DMAC1: variants seen among roughly 807,000 people sequenced by gnomAD.
The protein encoded by DMAC1 is distal membrane-arm assembly complex protein 1.
DMAC1 carries 10 observed loss-of-function variants against 7.0 expected under a neutral mutation model. The ratio of observed to expected loss-of-function variants is 1.43; its 90% confidence interval spans 0.88 to 2.43. The LOEUF is 2.43. DMAC1 is among the 30% of genes most tolerant of loss of function. The pLI is 0.00. For synonymous variants in DMAC1, 92 were observed against 66.2 expected, an observed-to-expected ratio of 1.39 and a Z score of -1.90; for missense variants, 219 against 158.7, an observed-to-expected ratio of 1.38 and a Z score of -2.04.
chr9:7,799,063 C>T (rs963918137), intron 1 of DMAC1, among the ~76,000 whole-genome samples: 2 of 152,010 alleles, frequency 1.3e-5, no homozygotes, highest in African/African-American at 4.8e-5. Context: ...AGGGCCCTCG[C>T]TCAGGCTTTC....
intron 1 of DMAC1, among the ~76,000 whole-genome samples, chr9:7,799,205 C>G (rs1177671786): frequency 6.6e-6 from 1 of 151,882 alleles, no homozygotes; most frequent in Non-Finnish European, 1.5e-5. Flanking sequence ...TATAATCATA[C>G]CTACTTCTAA....
rs1253711484 is a variant in DMAC1, at chr9:7,798,198, A to G, written c.*375T>C. 6.3e-6 allele frequency: 1 copy of G among 158,180 alleles called. No homozygotes were observed. The highest frequency in any genetic ancestry group is 1.8e-4 in the East Asian group (1 of 5,566). 9.8% of individuals were successfully genotyped at this position (158,180 alleles called of 1,614,324 possible). ...AAGTTTTAAAAATTATACTAACTAT[A>G]TAACTAAACATATTTATGTTTATTA... On this transcript the variant is annotated 3_prime_UTR_variant, in exon 2 of 2. Coordinates refer to ENST00000358227, the MANE Select transcript of DMAC1 (RefSeq NM_033428.3).
In DMAC1 at chr9:7,799,511, A is replaced by C. The variant is rs1265071388; in HGVS notation, c.224T>G (p.Met75Arg). 1.2e-6 allele frequency: 2 copies of C among 1,613,430 alleles called. No homozygotes were observed. Among genetic ancestry groups the C allele is most frequent in the Admixed American group, 3.3e-5 (2 of 60,014 alleles). Residue 75 changes from methionine (M) to arginine (R), a missense_variant, in exon 1 of 2, where the codon ATG becomes AGG. Physicochemically the swap from Met to Arg is moderately conservative, Grantham distance 91 (BLOSUM62 -1). Coordinates refer to ENST00000358227, the MANE Select transcript of DMAC1 (RefSeq NM_033428.3). ...VYWVARKPMK[M>R]GYPPSPWTIT... ...GGTCCATGGACTCGGGGGGTATCCC[A>C]TCTTCATGGGCTTCCGTGCCACCCA...
rs1818662945 is a variant in DMAC1, at chr9:7,798,502, A to G, written c.*71T>C. 1 of 1,539,718 alleles carries G rather than the reference A, an allele frequency of 6.5e-7. No individual in the cohort carries two copies. The highest frequency in any genetic ancestry group is 1.4e-5 in the African/African-American group (1 of 73,498). On this transcript the variant is annotated 3_prime_UTR_variant, in exon 2 of 2. Transcript: ENST00000358227. ...CAAGTGTCTGTCCAGAACACCCATT[A>G]AATTCCATGCCTGCTGTGTGTGTCA...
In DMAC1 at chr9:7,798,588, G is replaced by A. The variant is rs374077412; in HGVS notation, c.324C>T (p.Ala108=). ...IVVMADPKGK[A]YRVV The stretch of plus-strand genomic sequence containing the variant: ...GGTGGTACTTTCAAACAACGCGGTA[G>A]GCCTTCCCTTTGGGGTCTGCCATGA... The change falls in exon 2 of 2, where the codon GCC becomes GCT. Residue 108 remains alanine (A), a synonymous_variant. Coordinates refer to ENST00000358227, the MANE Select transcript of DMAC1 (RefSeq NM_033428.3). 20 of 1,612,326 alleles carry A rather than the reference G, an allele frequency of 1.2e-5. No homozygotes were observed. The African/African-American group carries it at 2.0e-4, about 16-fold the overall frequency.
intron 1 of DMAC1, 26 bp downstream of exon 1, chr9:7,799,435 C>G: frequency 6.2e-7 from 1 of 1,611,284 alleles, no homozygotes; most frequent in Non-Finnish European, 8.5e-7. Context: ...ACCCAACCCG[C>G]CCAAGTGCTG....
Position 7,798,623 on chromosome 9 carries a change from C to A in DMAC1, c.289G>T (p.Gly97Cys), listed in dbSNP as rs1818669442. ...MVIGLSIATW[G>C]IVVMADPKGK... ...TTGGGGTCTGCCATGACAACGATAC[C>A]CCAGGTGGCAATGCCTAGAAAAAAA... The change falls in exon 2 of 2, where the codon GGT becomes TGT. Residue 97 changes from glycine (G) to cysteine (C), a missense_variant. Physicochemically the swap from Gly to Cys is radical, Grantham distance 159 (BLOSUM62 -3). Coordinates refer to ENST00000358227, the MANE Select transcript of DMAC1 (RefSeq NM_033428.3). 2 of 1,580,102 alleles carry A rather than the reference C, an allele frequency of 1.3e-6. No individual in the cohort carries two copies. The highest frequency in any genetic ancestry group is 8.6e-7 in the Non-Finnish European group (1 of 1,159,572).
chr9:7,799,056 G>A (rs1176444087), intron 1 of DMAC1, among the ~76,000 whole-genome samples: 1 of 151,934 alleles, frequency 6.6e-6, no homozygotes, highest in East Asian at 1.9e-4. Context: ...AAGGTCAAGG[G>A]CCCTCGCTCA....
rs192193052 is a variant in DMAC1, at chr9:7,798,307, G to A, written c.*266C>T. The A allele has an allele frequency of 2.6e-3, 1,030 of 396,678 alleles. 4 individuals are homozygous for A. In the Middle Eastern group the frequency reaches 0.035, roughly 14 times the overall value. 24.6% of individuals were successfully genotyped at this position (396,678 alleles called of 1,614,324 possible). ...ATTAAGCAATTATATTTAAATATAAGTTATACTTTCCTTCCCCAGATAAGA... is the reference window on the plus strand; with the variant it reads ...ATTAAGCAATTATATTTAAATATAAATTATACTTTCCTTCCCCAGATAAGA... On this transcript the variant is annotated 3_prime_UTR_variant, in exon 2 of 2. Transcript: ENST00000358227.
Position 7,798,720 on chromosome 9 carries a change from C to A in DMAC1, c.275-83G>T. The A allele has an allele frequency of 3.5e-6, 4 of 1,144,844 alleles. No homozygotes were observed. In the South Asian group the frequency reaches 5.2e-5, roughly 15 times the overall value. 70.9% of individuals were successfully genotyped at this position (1,144,844 alleles called of 1,614,324 possible). A position where few individuals can be genotyped will look rare whatever the true frequency, so the allele number is the denominator to read the frequency against. On this transcript the variant is annotated intron_variant, in intron 1 of 1. Transcript: ENST00000358227. ...TCACATATACGCCATCTTATTTAAC[C>A]CTCACAACACTTCTGGAGGATATAT...
chr9:7,799,741 G>T lies in DMAC1; in HGVS notation c.-7C>A. 1 of 1,516,326 alleles carries T rather than the reference G, an allele frequency of 6.6e-7. No individual in the cohort carries two copies. Among genetic ancestry groups the T allele is most frequent in the Non-Finnish European group, 8.8e-7 (1 of 1,136,786 alleles). 93.9% of individuals were successfully genotyped at this position (1,516,326 alleles called of 1,614,324 possible). A position where few individuals can be genotyped will look rare whatever the true frequency, so the allele number is the denominator to read the frequency against. On this transcript the variant is annotated 5_prime_UTR_variant, in exon 1 of 2. Transcript: ENST00000358227. ...GGGACAACCGAGACCCCATGCTCTGGAACTCGGCCTCAACCTTGGGCGTCT... is the reference window on the plus strand; with the variant it reads ...GGGACAACCGAGACCCCATGCTCTGTAACTCGGCCTCAACCTTGGGCGTCT...
rs199675209 is a variant in DMAC1 at position 7,798,617 on chromosome 9, C to T, written c.295G>A (p.Val99Ile). 8 of 1,592,066 alleles carry T rather than the reference C, an allele frequency of 5.0e-6. No homozygotes were observed. Among genetic ancestry groups the T allele is most frequent in the South Asian group, 1.1e-5 (1 of 88,870 alleles). The stretch of plus-strand genomic sequence containing the variant: ...TTCCCTTTGGGGTCTGCCATGACAA[C>T]GATACCCCAGGTGGCAATGCCTAGA... ...IGLSIATWGI[V>I]VMADPKGKAY... Residue 99 changes from valine to isoleucine, a missense_variant, in exon 2 of 2, where the codon GTT (valine) becomes ATT (isoleucine). By Grantham distance (29) the Val-to-Ile change is conservative. Coordinates refer to ENST00000358227, the MANE Select transcript of DMAC1 (RefSeq NM_033428.3).
At position 7,797,726 on chromosome 9, in the gene DMAC1, G is replaced by C. The variant is rs1440636501; in HGVS notation, c.*847C>G. The C allele has an allele frequency of 6.7e-6, 1 of 150,326 alleles. No individual in the cohort carries two copies. The highest frequency in any genetic ancestry group is 1.5e-5 in the Non-Finnish European group (1 of 67,612). The allele number at this position is 150,326 out of a possible 1,614,324, so 9.3% of individuals were successfully genotyped here. On this transcript the variant is annotated 3_prime_UTR_variant, in exon 2 of 2. Transcript: ENST00000358227. ...TTTTTTTTTTTTAGCTAAAGGTTTT[G>C]AATTTTTCTTGTGACATTTAAGTCT...
At chr9:7,799,305 C>CCAA (rs1818688216) in intron 1 of DMAC1, 156 bp downstream of exon 1, 1 of 956,312 alleles carries the variant, frequency 1.0e-6, no homozygotes, top group African/African-American at 1.7e-5. Context: ...GAAAGGCGTT[C>CCAA]CAACAACTTC....
At chr9:7,799,375 CG>C in intron 1 of DMAC1, 85 bp downstream of exon 1, 3 of 1,528,300 alleles carry the variant, frequency 2.0e-6, no homozygotes, top group South Asian at 1.2e-5. Flanking sequence ...CCCGCCTCCC[CG>C]CCTCCCCGCC....
chr9:7,799,621 T>A lies in DMAC1; in HGVS notation c.114A>T (p.Pro38=). The A allele has an allele frequency of 6.2e-7, 1 of 1,613,108 alleles. No homozygotes were observed. The highest frequency in any genetic ancestry group is 8.5e-7 in the Non-Finnish European group (1 of 1,179,852). The stretch of plus-strand genomic sequence containing the variant: ...AGGTCTTCAACAGGCGGTGTTCTGC[T>A]GGGGAGGTCGGCGCTCCGGGTGTAG... ...PPATPGAPTS[P]AEHRLLKTCW... Residue 38 remains proline, a synonymous_variant, in exon 1 of 2, where the codon CCA becomes CCT. Transcript: ENST00000358227.
rs756626454 is a variant in DMAC1 at position 7,799,595 on chromosome 9, C to G, written c.140G>C (p.Cys47Ser). ...SPAEHRLLKT[C>S]WSCRVLSGLG... ...CCCAGAAAGCACGCGACAGCTCCAGCAGGTCTTCAACAGGCGGTGTTCTGC... is the reference window on the plus strand; with the variant it reads ...CCCAGAAAGCACGCGACAGCTCCAGGAGGTCTTCAACAGGCGGTGTTCTGC... The change falls in exon 1 of 2, where the codon TGC becomes TCC. Residue 47 changes from cysteine (C) to serine (S), a missense_variant. Transcript: ENST00000358227. 3.1e-6 allele frequency: 5 copies of G among 1,613,880 alleles called. No individual in the cohort carries two copies. The highest frequency in any genetic ancestry group is 4.5e-5 in the East Asian group (2 of 44,848).
At position 7,799,717 on chromosome 9, in the gene DMAC1, G is replaced by C. The variant is rs771098822; in HGVS notation, c.18C>G (p.Ser6=). ...CAGTGATATAGGACTCAAAAGGCTGGGACAACCGAGACCCCATGCTCTGGA... is the reference window on the plus strand; with the variant it reads ...CAGTGATATAGGACTCAAAAGGCTGCGACAACCGAGACCCCATGCTCTGGA... MGSRL[S]QPFESYITAP... Residue 6 remains serine, a synonymous_variant, in exon 1 of 2, where the codon TCC becomes TCG. Transcript: ENST00000358227. 2 of 1,550,946 alleles carry C rather than the reference G, an allele frequency of 1.3e-6. No individual in the cohort carries two copies. The highest frequency in any genetic ancestry group is 1.2e-5 in the South Asian group (1 of 83,552).
rs750381243 is a variant in DMAC1 at position 7,798,641 on chromosome 9, GA to G, written c.275-5del. 6 of 1,549,404 alleles carry G rather than the reference GA, an allele frequency of 3.9e-6. No individual in the cohort carries two copies. The African/African-American group carries it at 5.5e-5, about 14-fold the overall frequency. Reference sequence around the variant, plus strand: ...ACGATACCCCAGGTGGCAATGCCTAGAAAAAAAACAACAATACCTTACCTTT... The same window carrying G: ...ACGATACCCCAGGTGGCAATGCCTAGAAAAAAACAACAATACCTTACCTTT... On this transcript the variant is annotated splice_polypyrimidine_tract_variant and splice_region_variant and intron_variant, in intron 1 of 1. Transcript: ENST00000358227.
Sources: allele counts gnomAD v4.1 joint callset (sites outside exome capture counted in the v4.1 genomes callset), GRCh38; gene constraint gnomAD v4.1.1; transcripts MANE v1.5; gene names NCBI Gene and HGNC (gene_info 2026-07-23, HGNC 2026-07-21).